The following DLG2 variants were observed in gnomAD, a reference collection of about 807,000 sequenced individuals.
DLG2 encodes discs large MAGUK scaffold protein 2.
In DLG2, 45 loss-of-function variants were observed where a neutral mutation model predicts 132.5. That is an observed-to-expected ratio of 0.34 (90% CI 0.27 to 0.44). The LOEUF (loss-of-function observed/expected upper bound fraction) is 0.44, where lower values mean the gene tolerates loss of function less well. Ranked by LOEUF, DLG2 falls within the 20% of genes least tolerant of loss-of-function variation. The probability of loss-of-function intolerance (pLI) is 1.00; values close to 1 mark genes in which losing one functional copy is unlikely to be tolerated. For synonymous variants in DLG2, 424 were observed against 419.6 expected, an observed-to-expected ratio of 1.01 and a Z score of -0.13; for missense variants, 1,045 against 1,196.9, an observed-to-expected ratio of 0.87 and a Z score of 1.87.
chr11:83,986,260 C>A (rs949341792), intron 11 of DLG2, among the ~76,000 whole-genome samples: 2 of 149,534 alleles, frequency 1.3e-5, no homozygotes, highest in South Asian at 2.1e-4. Flanking sequence ...CTTCCTGTGT[C>A]CATGTGTTCT....
chr11:85,385,571 C>T (rs1421131870), intron 3 of DLG2, among the ~76,000 whole-genome samples: 1 of 152,194 alleles, frequency 6.6e-6, no homozygotes, highest in Non-Finnish European at 1.5e-5. Context: ...TCAGATGTCT[C>T]ATGCAAGATC....
chr11:83,608,021 TA>T (rs1353959139), intron 19 of DLG2, among the ~76,000 whole-genome samples: 2 of 152,212 alleles, frequency 1.3e-5, no homozygotes, highest in African/African-American at 4.8e-5. Context: ...TACGGGGTGT[TA>T]GAAAGTTCTG....
intron 6 of DLG2, among the ~76,000 whole-genome samples, chr11:84,976,523 T>C (rs1170011549): frequency 1.3e-5 from 2 of 152,184 alleles, no homozygotes; most frequent in East Asian, 3.8e-4. Flanking sequence ...ATATATTTAA[T>C]ATTTTTAAAT....
At chr11:85,264,790 CT>C (rs1161278993) in intron 4 of DLG2, among the ~76,000 whole-genome samples, 1 of 152,140 alleles carries the variant, frequency 6.6e-6, no homozygotes, top group Non-Finnish European at 1.5e-5. Flanking sequence ...AGAAACATTT[CT>C]TTCAGGTCTC....
intron 3 of DLG2, among the ~76,000 whole-genome samples, chr11:85,504,148 C>A (rs2093872602): frequency 6.6e-6 from 1 of 152,096 alleles, no homozygotes; most frequent in South Asian, 2.1e-4. Context: ...AAAATTTTCT[C>A]CCATTCTGTA....
At chr11:83,562,095 G>T (rs560121013) in intron 19 of DLG2, among the ~76,000 whole-genome samples, 12 of 151,770 alleles carry the variant, frequency 7.9e-5, no homozygotes, top group Non-Finnish European at 1.3e-4. Context: ...CACCATGTTG[G>T]CCAGGTTGGT....
intron 3 of DLG2, among the ~76,000 whole-genome samples, chr11:85,461,573 T>C (rs1219340031): frequency 6.6e-6 from 1 of 152,168 alleles, no homozygotes; most frequent in African/African-American, 2.4e-5. Context: ...AGGCCAGTGA[T>C]GGGAAGTACT....
intron 10 of DLG2, among the ~76,000 whole-genome samples, chr11:84,091,999 C>G (rs557856668): frequency 1.5e-4 from 23 of 152,172 alleles, no homozygotes; most frequent in Non-Finnish European, 3.1e-4. Context: ...TCATCCATGC[C>G]AGTAAGAGAA....
At chr11:83,980,718 T>C in intron 11 of DLG2, 76 bp from the exon 12 acceptor site, 1 of 1,360,666 alleles carries the variant, frequency 7.3e-7, no homozygotes, top group Non-Finnish European at 9.7e-7. Context: ...GTTAGCCACA[T>C]TTTAACAGTT....
At chr11:83,506,128 T>C (rs924243969) in intron 21 of DLG2, among the ~76,000 whole-genome samples, 1 of 152,228 alleles carries the variant, frequency 6.6e-6, no homozygotes, top group African/African-American at 2.4e-5. Context: ...TCAGGTCTCA[T>C]GGCAACTGGA....
At position 85,303,605 on chromosome 11, in the gene DLG2, AC is replaced by A. The variant is rs2079747259; in HGVS notation, c.41-18241del. Among the ~76,000 whole-genome samples the A allele has an allele frequency of 2.0e-5, 3 of 152,272 alleles. No homozygotes were observed. The South Asian group carries it at 6.2e-4, about 32-fold the overall frequency. Reference sequence around the variant, plus strand: ...TCTCCCAATCTCTATAATTTCTGTTACCATACTATCATGTATCAGAGTTGAT... The same window carrying A: ...TCTCCCAATCTCTATAATTTCTGTTACATACTATCATGTATCAGAGTTGAT... On this transcript the variant is annotated intron_variant, in intron 3 of 27. Coordinates refer to ENST00000376104, the MANE Select transcript of DLG2 (RefSeq NM_001142699.3).
intron 9 of DLG2, among the ~76,000 whole-genome samples, chr11:84,158,607 T>C (rs930634498): frequency 1.3e-5 from 2 of 152,210 alleles, no homozygotes; most frequent in Non-Finnish European, 2.9e-5. Flanking sequence ...GTTAGCAACA[T>C]CTACCTCATA....
intron 18 of DLG2, among the ~76,000 whole-genome samples, chr11:83,699,565 C>G (rs1396041696): frequency 1.3e-5 from 2 of 148,780 alleles, no homozygotes; most frequent in African/African-American, 4.9e-5. Context: ...AAAAAACTAG[C>G]CGGGCGTGGT....
intron 9 of DLG2, among the ~76,000 whole-genome samples, chr11:84,148,130 T>A (rs143579553): frequency 1.3e-5 from 2 of 152,148 alleles, no homozygotes; most frequent in African/African-American, 2.4e-5. Flanking sequence ...CCACCATTTT[T>A]ATTTTTATTT....
intron 6 of DLG2, among the ~76,000 whole-genome samples, chr11:84,880,328 G>A (rs2154053611): frequency 6.6e-6 from 1 of 152,140 alleles, no homozygotes; most frequent in South Asian, 2.1e-4. Flanking sequence ...TTCCAACTGG[G>A]AATCTGTATT....
chr11:85,030,389 A>G (rs1468311241), intron 6 of DLG2, among the ~76,000 whole-genome samples: 2 of 152,158 alleles, frequency 1.3e-5, no homozygotes, highest in Non-Finnish European at 2.9e-5. Context: ...TGCTTTTTCT[A>G]TAGTGTCACC....
At chr11:85,158,598 G>A (rs2077773536) in intron 4 of DLG2, among the ~76,000 whole-genome samples, 1 of 152,274 alleles carries the variant, frequency 6.6e-6, no homozygotes, top group Non-Finnish European at 1.5e-5. Context: ...CTGTATGTCA[G>A]ATCTAAGAGT....
At chr11:83,725,009 C>T in intron 18 of DLG2, 3 of 678,320 alleles carry the variant, frequency 4.4e-6, no homozygotes, top group South Asian at 3.2e-5. Flanking sequence ...GTGGCCAAAG[C>T]CTGTTAGGAG....
intron 3 of DLG2, among the ~76,000 whole-genome samples, chr11:85,385,559 G>A (rs937956532): frequency 7.2e-5 from 11 of 152,112 alleles, no homozygotes; most frequent in Non-Finnish European, 1.2e-4. Flanking sequence ...ATCCAAAGAG[G>A]ATCAGATGTC....
Sources: allele counts gnomAD v4.1 joint callset (sites outside exome capture counted in the v4.1 genomes callset), GRCh38; gene constraint gnomAD v4.1.1; transcripts MANE v1.5; gene names NCBI Gene and HGNC (gene_info 2026-07-23, HGNC 2026-07-21).